CHL1: variants seen among roughly 807,000 people sequenced by gnomAD.
The protein encoded by CHL1 is neural cell adhesion molecule L1-like protein.
In CHL1, 96 loss-of-function variants were observed where a neutral mutation model predicts 141.9. That is an observed-to-expected ratio of 0.68 (90% CI 0.57 to 0.80). The LOEUF is 0.80. Ranked by LOEUF, CHL1 falls within the 30% of genes least tolerant of loss-of-function variation. The pLI, the probability that CHL1 is intolerant of heterozygous loss-of-function variation, is 0.00. For synonymous variants in CHL1, 613 were observed against 502.2 expected (o/e 1.22, Z -2.95); for missense variants, 1,820 against 1,457.2 (o/e 1.25, Z -4.05).
intron 5 of CHL1, among the ~76,000 whole-genome samples, chr3:334,911 T>A (rs3773411): frequency 0.12 from 18,721 of 152,228 alleles, 1,401 homozygotes; most frequent in East Asian, 0.36. Flanking sequence ...TTTATTTCAT[T>A]GATTTATTGG....
At chr3:234,224 T>A (rs549626924) in intron 1 of CHL1, among the ~76,000 whole-genome samples, 3 of 151,424 alleles carry the variant, frequency 2.0e-5, no homozygotes, top group African/African-American at 7.3e-5. Context: ...TATGTATGTA[T>A]GTATACATAT....
intron 15 of CHL1, among the ~76,000 whole-genome samples, chr3:368,901 T>C (rs192470387): frequency 2.2e-4 from 33 of 152,300 alleles, no homozygotes; most frequent in Admixed American, 1.8e-3. Context: ...ATCAGATGAT[T>C]ATAGATGTGT....
chr3:345,177 T>G (rs1702659591), intron 9 of CHL1, among the ~76,000 whole-genome samples: 1 of 152,134 alleles, frequency 6.6e-6, no homozygotes, highest in Admixed American at 6.5e-5. Flanking sequence ...TTCTCCTTAG[T>G]TAAGTTTAAG....
At chr3:331,524 G>A (rs1295866885) in intron 5 of CHL1, among the ~76,000 whole-genome samples, 2 of 152,112 alleles carry the variant, frequency 1.3e-5, no homozygotes, top group Non-Finnish European at 2.9e-5. Context: ...TTACAGGCAT[G>A]AGCCACCATG....
At chr3:396,692 G>A (rs1484890799) in intron 24 of CHL1, among the ~76,000 whole-genome samples, 1 of 152,026 alleles carries the variant, frequency 6.6e-6, no homozygotes, top group East Asian at 1.9e-4. Context: ...GTTTCTTACT[G>A]GTGTGTTTGT....
Position 318,562 on chromosome 3 carries a change from TA to T in CHL1, c.-94-1113del, listed in dbSNP as rs544906514. On this transcript the variant is annotated intron_variant, in intron 2 of 27. Coordinates refer to ENST00000256509, the MANE Select transcript of CHL1 (RefSeq NM_006614.4). ...AAAAAATTGAAATTGTAAGAGAAAG[TA>T]AAAAAAATTAAAACCTTAATTCTTA... 3.0e-3 allele frequency among the ~76,000 whole-genome samples: 452 copies of T among 151,434 alleles called. 5 individuals carry two copies. The Middle Eastern group carries it at 0.031, about 10-fold the overall frequency.
At chr3:378,538 G>A (rs1706632295) in intron 16 of CHL1, among the ~76,000 whole-genome samples, 1 of 152,268 alleles carries the variant, frequency 6.6e-6, no homozygotes, top group African/African-American at 2.4e-5. Context: ...AAAGCTCTTA[G>A]ACCATCTGCT....
At chr3:390,628 A>C in intron 20 of CHL1, 73 bp from the exon 21 acceptor site, 1 of 873,686 alleles carries the variant, frequency 1.1e-6, no homozygotes, top group Non-Finnish European at 1.9e-6. Context: ...AACATTATGA[A>C]AATTTTTGAA....
At chr3:330,739 T>C (rs1701371489) in intron 5 of CHL1, among the ~76,000 whole-genome samples, 1 of 152,152 alleles carries the variant, frequency 6.6e-6, no homozygotes. Context: ...TTCAAAAATA[T>C]CTTTGAGGAA....
At chr3:384,493 T>A (rs1373283075) in intron 19 of CHL1, 1 of 152,210 alleles carries the variant, frequency 6.6e-6, no homozygotes, top group Non-Finnish European at 1.5e-5. Context: ...TTTCCTCCTT[T>A]ACATATCTCG....
chr3:241,964 T>C (rs1311447124), intron 1 of CHL1, among the ~76,000 whole-genome samples: 2 of 152,202 alleles, frequency 1.3e-5, no homozygotes, highest in Non-Finnish European at 2.9e-5. Flanking sequence ...TATGTCATGT[T>C]AATATAACAA....
intron 3 of CHL1, among the ~76,000 whole-genome samples, chr3:322,285 C>T (rs77229785): frequency 5.5e-4 from 79 of 144,512 alleles, no homozygotes; most frequent in East Asian, 1.0e-3. Flanking sequence ...TCAGATTTAT[C>T]GGGCAATAAT....
At chr3:396,506 G>A (rs960746761) in intron 24 of CHL1, among the ~76,000 whole-genome samples, 12 of 152,148 alleles carry the variant, frequency 7.9e-5, no homozygotes, top group Middle Eastern at 3.2e-3. Context: ...TATATGTTGC[G>A]AAATTTGGGC....
At chr3:205,584 T>C (rs76393671) in intron 1 of CHL1, among the ~76,000 whole-genome samples, 2,984 of 152,314 alleles carry the variant, frequency 0.02, 99 homozygotes, top group African/African-American at 0.069. Context: ...GATAGGGAGA[T>C]AGACTTTTCC....
chr3:377,173 A>G (rs534660537), intron 15 of CHL1, among the ~76,000 whole-genome samples: 20 of 152,246 alleles, frequency 1.3e-4, no homozygotes, highest in African/African-American at 9.6e-5. Flanking sequence ...GTTTTCTCAT[A>G]GTAAACCTGA....
Position 242,581 on chromosome 3 carries a change from G to A in CHL1, c.-174-2032G>A, listed in dbSNP as rs577175759. 3.6e-3 allele frequency among the ~76,000 whole-genome samples: 544 copies of A among 149,634 alleles called. 7 individuals carry two copies. Among genetic ancestry groups the A allele is most frequent in the African/African-American group, 0.013 (530 of 40,828 alleles). On this transcript the variant is annotated intron_variant, in intron 1 of 27. Coordinates refer to ENST00000256509, the MANE Select transcript of CHL1 (RefSeq NM_006614.4). Reference sequence around the variant, plus strand: ...ACTGCACTCCAGCCTGGGTAACAGAGTGGGACTCCATCTCAAAATAAATAA... The same window carrying A: ...ACTGCACTCCAGCCTGGGTAACAGAATGGGACTCCATCTCAAAATAAATAA...
At chr3:248,113 T>C (rs902894138) in intron 2 of CHL1, 2 of 152,084 alleles carry the variant, frequency 1.3e-5, no homozygotes, top group African/African-American at 4.8e-5. Flanking sequence ...CCCTTCATCC[T>C]CTCTCAGCTG....
chr3:244,306 G>C (rs1165877869), intron 1 of CHL1, among the ~76,000 whole-genome samples: 1 of 152,182 alleles, frequency 6.6e-6, no homozygotes, highest in Non-Finnish European at 1.5e-5. Context: ...GTTGTGGTCT[G>C]TTGCAAAATA....
At chr3:257,532 T>C (rs1055743243) in intron 2 of CHL1, among the ~76,000 whole-genome samples, 2 of 152,032 alleles carry the variant, frequency 1.3e-5, no homozygotes, top group Non-Finnish European at 2.9e-5. Context: ...TTTGCATTTT[T>C]AGTAGAGATG....
Sources: gnomAD v4.1 joint callset for allele counts (sites outside exome capture counted in the v4.1 genomes callset) on GRCh38, gnomAD v4.1.1 for gene constraint, MANE v1.5 for transcripts, NCBI Gene and HGNC (gene_info 2026-07-23, HGNC 2026-07-21) for gene names.